The following RAF1 variants were observed in gnomAD, a reference collection of about 807,000 sequenced individuals.
RAF1 encodes the protein RAF proto-oncogene serine/threonine-protein kinase.
A neutral mutation model predicts 81.1 loss-of-function variants in RAF1; 27 were observed. The ratio of observed to expected loss-of-function variants is 0.33; its 90% CI spans 0.25 to 0.46. The LOEUF (loss-of-function observed/expected upper bound fraction) is 0.46. Among genes scored for constraint, RAF1 ranks in the 20% least tolerant of loss-of-function variants. RAF1 has a pLI of 1.00. For missense variants in RAF1, 598 were observed against 826.0 expected, an observed-to-expected ratio of 0.72 and a Z score of 3.38; for synonymous variants, 298 against 294.0, an observed-to-expected ratio of 1.01 and a Z score of -0.14.
chr3:12,631,946 C>T (rs2059874570), intron 1 of RAF1, among the ~76,000 whole-genome samples: 1 of 152,150 alleles, frequency 6.6e-6, no homozygotes, highest in Non-Finnish European at 1.5e-5. Flanking sequence ...TCCACATACC[C>T]ATGTACTTTT....
chr3:12,644,841 T>C (rs940864067), intron 1 of RAF1, among the ~76,000 whole-genome samples: 1 of 152,100 alleles, frequency 6.6e-6, no homozygotes, highest in African/African-American at 2.4e-5. Context: ...GGCTCATGGC[T>C]ATAATCCCAG....
At chr3:12,626,149 C>T (rs1336700676) in intron 1 of RAF1, among the ~76,000 whole-genome samples, 2 of 150,566 alleles carry the variant, frequency 1.3e-5, no homozygotes, top group South Asian at 4.2e-4. Context: ...CGCCTGTAAT[C>T]CCAGCAATCC....
intron 6 of RAF1, among the ~76,000 whole-genome samples, chr3:12,605,089 T>TA (rs1335536198): frequency 6.6e-6 from 1 of 152,140 alleles, no homozygotes; most frequent in African/African-American, 2.4e-5. Context: ...TCTTCAGAGG[T>TA]AACTACAAAT....
At chr3:12,634,338 A>G (rs1692047311) in intron 1 of RAF1, among the ~76,000 whole-genome samples, 1 of 148,862 alleles carries the variant, frequency 6.7e-6, no homozygotes, top group Non-Finnish European at 1.5e-5. Flanking sequence ...TTTAGTAGAG[A>G]TGGCGTTTCG....
chr3:12,656,281 A>C (rs1313414746), intron 1 of RAF1, among the ~76,000 whole-genome samples: 1 of 151,926 alleles, frequency 6.6e-6, no homozygotes, highest in East Asian at 1.9e-4. Flanking sequence ...TCTAAAACCT[A>C]TGAATGCAAA....
At chr3:12,628,100 T>C (rs2059758456) in intron 1 of RAF1, among the ~76,000 whole-genome samples, 1 of 152,060 alleles carries the variant, frequency 6.6e-6, no homozygotes, top group Non-Finnish European at 1.5e-5. Context: ...GCAACAAGAG[T>C]GAAACTCCGT....
At chr3:12,604,414 ATGTT>A (rs2058964232) in intron 6 of RAF1, 125 bp from the exon 7 acceptor site, 2 of 1,031,434 alleles carry the variant, frequency 1.9e-6, no homozygotes, top group South Asian at 1.4e-5. Context: ...CTTTGACAAA[ATGTT>A]TGATTCTTTC....
At chr3:12,594,050 G>C (rs528234722) in intron 11 of RAF1, among the ~76,000 whole-genome samples, 8 of 152,302 alleles carry the variant, frequency 5.3e-5, no homozygotes, top group Non-Finnish European at 1.0e-4. Context: ...AGGTGAGGGG[G>C]ATGAGAGAAA....
intron 2 of RAF1, among the ~76,000 whole-genome samples, chr3:12,613,890 G>A (rs998226935): frequency 2.0e-5 from 3 of 152,200 alleles, no homozygotes; most frequent in Admixed American, 1.3e-4. Flanking sequence ...AGAAGAATTT[G>A]AACTTGTAAC....
In RAF1 at chr3:12,663,548, G is replaced by A. The variant is rs193008409; in HGVS notation, c.-27+265C>T. ...ACTGCCAAATATGAGGAATGCGCATGGCATAAGGGTGGCGTTGGCACGTTT... is the reference window on the plus strand; with the variant it reads ...ACTGCCAAATATGAGGAATGCGCATAGCATAAGGGTGGCGTTGGCACGTTT... On this transcript the variant is annotated intron_variant, in intron 1 of 17. Transcript: ENST00000442415. Among the ~76,000 whole-genome samples the A allele has an allele frequency of 3.9e-4, 60 of 152,382 alleles. 1 individual carries two copies. In the East Asian group the frequency reaches 9.8e-3, roughly 25 times the overall value.
At chr3:12,626,618 A>G (rs963840444) in intron 1 of RAF1, among the ~76,000 whole-genome samples, 7 of 152,052 alleles carry the variant, frequency 4.6e-5, no homozygotes, top group Admixed American at 4.6e-4. Flanking sequence ...TAAAAAAAGA[A>G]TATTGTTAAG....
intron 3 of RAF1, among the ~76,000 whole-genome samples, chr3:12,610,413 T>A (rs1023935016): frequency 2.0e-5 from 3 of 152,192 alleles, no homozygotes; most frequent in African/African-American, 7.2e-5. Context: ...TTCTCATCAA[T>A]CTGCAGACTG....
intron 6 of RAF1, 130 bp downstream of exon 6, chr3:12,606,071 C>G (rs1045077624): frequency 2.9e-6 from 2 of 684,344 alleles, no homozygotes; most frequent in African/African-American, 3.6e-5. Context: ...TATCAAGTTC[C>G]ACAGAAGCAG....
intron 1 of RAF1, among the ~76,000 whole-genome samples, chr3:12,641,743 T>C (rs993587746): frequency 3.3e-5 from 5 of 152,122 alleles, no homozygotes; most frequent in Non-Finnish European, 7.4e-5. Context: ...CTACCTGCTT[T>C]GGCCTCCCAA....
intron 13 of RAF1, among the ~76,000 whole-genome samples, 191 bp from the exon 13 acceptor site, chr3:12,587,828 T>G (rs2058374263): frequency 1.6e-5 from 2 of 127,776 alleles, no homozygotes; most frequent in African/African-American, 5.8e-5. Context: ...AGCACAAACA[T>G]GCTTACACCT....
At chr3:12,593,166 C>A (rs1472476663) in intron 11 of RAF1, among the ~76,000 whole-genome samples, 1 of 149,454 alleles carries the variant, frequency 6.7e-6, no homozygotes, top group East Asian at 2.0e-4. Flanking sequence ...TCTTGGCTCA[C>A]TGCAACCTCC....
At chr3:12,646,142 T>G (rs2125547949) in intron 1 of RAF1, among the ~76,000 whole-genome samples, 1 of 152,288 alleles carries the variant, frequency 6.6e-6, no homozygotes, top group East Asian at 1.9e-4. Context: ...ATCAAAAATC[T>G]AATCTTTGTT....
At position 12,663,246 on chromosome 3, in the gene RAF1, T is replaced by C. The variant is rs184217445; in HGVS notation, c.-27+567A>G. Among the ~76,000 whole-genome samples the C allele has an allele frequency of 1.5e-4, 23 of 152,264 alleles. No homozygotes were observed. The East Asian group carries it at 4.4e-3, about 29-fold the overall frequency. On this transcript the variant is annotated intron_variant, in intron 1 of 17. Transcript: ENST00000442415. ...CCAAAGCGTCCTGAGGCCAATCCTC[T>C]ATAAGTATCCCAAACCTTTCATTAA...
At chr3:12,642,473 C>T (rs1396563310) in intron 1 of RAF1, among the ~76,000 whole-genome samples, 1 of 147,426 alleles carries the variant, frequency 6.8e-6, no homozygotes, top group East Asian at 2.0e-4. Context: ...GATCGCGCCA[C>T]AGCACTCCAG....
Sources: allele counts gnomAD v4.1 joint callset (sites outside exome capture counted in the v4.1 genomes callset), GRCh38; gene constraint gnomAD v4.1.1; transcripts MANE v1.5; gene names NCBI Gene and HGNC (gene_info 2026-07-23, HGNC 2026-07-21).